Variants in SEMA3A observed in about 807,000 individuals in gnomAD.
SEMA3A encodes semaphorin 3A.
A neutral mutation model predicts 97.9 loss-of-function variants in SEMA3A; 29 were observed. The ratio of observed to expected loss-of-function variants is 0.30; its 90% confidence interval spans 0.22 to 0.40. SEMA3A has a LOEUF of 0.40. Among genes scored for constraint, SEMA3A ranks in the 10% least tolerant of loss-of-function variants. SEMA3A has a pLI of 1.00. For missense variants in SEMA3A, 763 were observed against 951.3 expected (o/e 0.80, Z 2.60); for synonymous variants, 321 against 323.7 (o/e 0.99, Z 0.09).
chr7:84,321,672 C>T (rs181908959), intron 2 of SEMA3A, among the ~76,000 whole-genome samples: 5 of 151,708 alleles, frequency 3.3e-5, no homozygotes, highest in African/African-American at 4.8e-5. Context: ...GTCAGGAGAT[C>T]GAAACCATCC....
At chr7:84,186,034 T>C (rs1797873823) in intron 1 of SEMA3A, among the ~76,000 whole-genome samples, 1 of 152,292 alleles carries the variant, frequency 6.6e-6, no homozygotes, top group Non-Finnish European at 1.5e-5. Context: ...GTTCCTAGCC[T>C]GCTATGCTGC....
In SEMA3A at chr7:84,466,128, C is replaced by G. The variant is rs528556266; in HGVS notation, c.-246+26332G>C. Among the ~76,000 whole-genome samples, 8 of 151,652 alleles carry G rather than the reference C, an allele frequency of 5.3e-5. No individual in the cohort carries two copies. The South Asian group carries it at 1.3e-3, about 24-fold the overall frequency. Reference sequence around the variant, plus strand: ...TCAAAATGCAACTTAGTTTTTGTCTCCAACTACTTTTCTTTTTTGTTGTTG... The same window carrying G: ...TCAAAATGCAACTTAGTTTTTGTCTGCAACTACTTTTCTTTTTTGTTGTTG... On this transcript the variant is annotated intron_variant, in intron 1 of 3. Transcript: ENST00000424555.
chr7:84,318,079 A>G (rs543928430), intron 2 of SEMA3A, among the ~76,000 whole-genome samples: 8 of 152,148 alleles, frequency 5.3e-5, no homozygotes, highest in African/African-American at 1.7e-4. Flanking sequence ...TTAGGCAGTT[A>G]GTACAATATT....
chr7:84,057,390 GGTGA>G (rs1157657622), intron 5 of SEMA3A, among the ~76,000 whole-genome samples: 1 of 152,086 alleles, frequency 6.6e-6, no homozygotes, highest in East Asian at 1.9e-4. Flanking sequence ...ATTATTAGCA[GGTGA>G]GTAATTGCTA....
chr7:84,135,377 C>A (rs923077169), intron 1 of SEMA3A, among the ~76,000 whole-genome samples: 1 of 151,998 alleles, frequency 6.6e-6, no homozygotes, highest in Non-Finnish European at 1.5e-5. Context: ...TCCCAAGGTG[C>A]TGGGATTACA....
chr7:84,146,847 C>T (rs762067465), intron 1 of SEMA3A, among the ~76,000 whole-genome samples: 1 of 152,194 alleles, frequency 6.6e-6, no homozygotes, highest in African/African-American at 2.4e-5. Flanking sequence ...ATTTATGAGA[C>T]TCCTCTATAG....
At chr7:84,104,277 A>G (rs1795042103) in intron 4 of SEMA3A, among the ~76,000 whole-genome samples, 1 of 152,140 alleles carries the variant, frequency 6.6e-6, no homozygotes, top group Admixed American at 6.6e-5. Context: ...TTATTGTACC[A>G]ATATGGCCTT....
chr7:84,240,424 G>A (rs539890306), intron 3 of SEMA3A, among the ~76,000 whole-genome samples: 14 of 152,132 alleles, frequency 9.2e-5, no homozygotes, highest in Admixed American at 8.5e-4. Flanking sequence ...AGAGAGGGCG[G>A]GGGGATTGGG....
At chr7:84,010,760 CAAAG>C (rs1790847757) in intron 9 of SEMA3A, among the ~76,000 whole-genome samples, 1 of 151,700 alleles carries the variant, frequency 6.6e-6, no homozygotes, top group Non-Finnish European at 1.5e-5. Flanking sequence ...GGTTTAAAGT[CAAAG>C]ATATGCATAA....
chr7:84,431,043 T>A (rs1804967133), intron 1 of SEMA3A, among the ~76,000 whole-genome samples: 1 of 151,986 alleles, frequency 6.6e-6, no homozygotes. Flanking sequence ...CGTAAAGCTC[T>A]AAAAGCATTA....
At position 84,364,389 on chromosome 7, in the gene SEMA3A, T is replaced by A. The variant is rs1048813873; in HGVS notation, c.-169+7435A>T. On this transcript the variant is annotated intron_variant, in intron 2 of 3. Coordinates refer to the SEMA3A transcript ENST00000424555. ...TTTTCAAATAAAACTTTTAATTGTG[T>A]TATTAAGTATTTACTTCTTAATTCA... Among the ~76,000 whole-genome samples the A allele has an allele frequency of 3.3e-5, 5 of 151,874 alleles. No homozygotes were observed. In the South Asian group the frequency reaches 1.0e-3, roughly 31 times the overall value.
chr7:84,184,101 A>G (rs903555620), intron 1 of SEMA3A, among the ~76,000 whole-genome samples: 2 of 152,136 alleles, frequency 1.3e-5, no homozygotes, highest in African/African-American at 4.8e-5. Context: ...CCAGTCAGAT[A>G]AGTATTAATT....
At chr7:84,385,304 T>C (rs2522370) in intron 1 of SEMA3A, among the ~76,000 whole-genome samples, 36,587 of 152,034 alleles carry the variant, frequency 0.24, 5,610 homozygotes, top group East Asian at 0.63. Context: ...TGTCTGTGTC[T>C]CCTAGCTCCA....
At chr7:84,420,582 C>G (rs1804562419) in intron 1 of SEMA3A, among the ~76,000 whole-genome samples, 1 of 151,908 alleles carries the variant, frequency 6.6e-6, no homozygotes, top group South Asian at 2.1e-4. Context: ...ATGGCAAAAA[C>G]TTTTCTTATT....
At chr7:84,340,923 C>G (rs895044701) in intron 2 of SEMA3A, among the ~76,000 whole-genome samples, 28 of 151,744 alleles carry the variant, frequency 1.8e-4, no homozygotes, top group Non-Finnish European at 3.1e-4. Flanking sequence ...ATTTACATTT[C>G]TCACTGAAAA....
At position 84,001,321 on chromosome 7, in the gene SEMA3A, C is replaced by G. The variant is rs114220983; in HGVS notation, c.1452+634G>C. Among the ~76,000 whole-genome samples, 22 of 151,658 alleles carry G rather than the reference C, an allele frequency of 1.5e-4. No homozygotes were observed. In the South Asian group the frequency reaches 4.6e-3, roughly 32 times the overall value. ...TGTCCTGCTGCTTCCACCCAACCCCCCTCTCACCCGTACCCCCATTCCTCC... is the reference window on the plus strand; with the variant it reads ...TGTCCTGCTGCTTCCACCCAACCCCGCTCTCACCCGTACCCCCATTCCTCC... On this transcript the variant is annotated intron_variant, in intron 12 of 16. Coordinates refer to ENST00000265362, the MANE Select transcript of SEMA3A (RefSeq NM_006080.3).
At chr7:84,490,247 C>A (rs1387228982) in intron 1 of SEMA3A, among the ~76,000 whole-genome samples, 4 of 150,922 alleles carry the variant, frequency 2.7e-5, no homozygotes, top group Non-Finnish European at 1.5e-5. Context: ...AACACCACCA[C>A]CATTACAAAT....
At chr7:84,143,920 ATCTCTCTCTCTC>A (rs142920312) in intron 1 of SEMA3A, among the ~76,000 whole-genome samples, 10 of 128,760 alleles carry the variant, frequency 7.8e-5, no homozygotes, top group Admixed American at 3.3e-4. Context: ...TACTGTCCTA[ATCTCTCTCTCTC>A]TCTCTCTCTC....
At position 84,236,408 on chromosome 7, in the gene SEMA3A, C is replaced by G. The variant is rs57644539; in HGVS notation, c.-82-41740G>C. Reference sequence around the variant, plus strand: ...CTCCTAACAGAAGTTTCTAACTCTCCCTTCAGTTACACAGTCATCAGTATT... The same window carrying G: ...CTCCTAACAGAAGTTTCTAACTCTCGCTTCAGTTACACAGTCATCAGTATT... On this transcript the variant is annotated intron_variant, in intron 3 of 3. Transcript: ENST00000424555. 8.3e-3 allele frequency among the ~76,000 whole-genome samples: 1,259 copies of G among 152,114 alleles called. 13 individuals are homozygous for G. The highest frequency in any genetic ancestry group is 0.029 in the African/African-American group (1,210 of 41,524).
Sources: gnomAD v4.1 joint callset for allele counts (sites outside exome capture counted in the v4.1 genomes callset) on GRCh38, gnomAD v4.1.1 for gene constraint, MANE v1.5 for transcripts, NCBI Gene and HGNC (gene_info 2026-07-23, HGNC 2026-07-21) for gene names.